The following PPP1CB variants were observed in gnomAD, a reference collection of about 807,000 sequenced individuals.
The protein encoded by PPP1CB is protein phosphatase 1 catalytic subunit beta, also known as serine/threonine-protein phosphatase PP1-beta catalytic subunit.
A neutral mutation model predicts 43.7 loss-of-function variants in PPP1CB; 2 were observed. The observed-to-expected ratio is 0.05, with a 90% confidence interval of 0.02 to 0.14. The LOEUF (loss-of-function observed/expected upper bound fraction) is 0.14. Ranked by LOEUF, PPP1CB falls within the 10% of genes least tolerant of loss-of-function variation. PPP1CB has a pLI of 1.00. For missense variants in PPP1CB, 84 were observed against 398.0 expected, an observed-to-expected ratio of 0.21 and a Z score of 6.71; for synonymous variants, 136 against 135.6, an observed-to-expected ratio of 1.00 and a Z score of -0.02.
chr2:28,764,080 G>A (rs574635780), intron 1 of PPP1CB, among the ~76,000 whole-genome samples: 18 of 152,078 alleles, frequency 1.2e-4, no homozygotes, highest in African/African-American at 3.6e-4. Flanking sequence ...ACTTAAAACC[G>A]TGTGTGTGTT....
intron 6 of PPP1CB, among the ~76,000 whole-genome samples, chr2:28,791,827 C>T (rs1004765128): frequency 6.6e-6 from 1 of 152,128 alleles, no homozygotes; most frequent in South Asian, 2.1e-4. Context: ...CTGAACTACG[C>T]TAGTTTGCAT....
At chr2:28,755,496 T>C (rs1666469008) in intron 1 of PPP1CB, among the ~76,000 whole-genome samples, 2 of 152,230 alleles carry the variant, frequency 1.3e-5, no homozygotes, top group South Asian at 4.1e-4. Context: ...ACCAAAGACT[T>C]CTACTTTATC....
upstream of PPP1CB, chr2:28,751,704 G>T (rs574399169): frequency 1.7e-5 from 4 of 229,832 alleles, no homozygotes; most frequent in South Asian, 9.0e-5. Flanking sequence ...CCCAGGCGTC[G>T]AGGGGAGCCT....
intron 5 of PPP1CB, among the ~76,000 whole-genome samples, chr2:28,785,786 G>C (rs368839634): frequency 6.6e-6 from 1 of 152,080 alleles, no homozygotes; most frequent in Non-Finnish European, 1.5e-5. Flanking sequence ...TCTAGCCTGG[G>C]TGACACAGTG....
chr2:28,784,791 G>A (rs983913349), intron 5 of PPP1CB, among the ~76,000 whole-genome samples: 2 of 150,930 alleles, frequency 1.3e-5, no homozygotes, highest in South Asian at 2.1e-4. Flanking sequence ...ATGGTGGTGC[G>A]TTCCTGTAAT....
chr2:28,788,832 G>A (rs1394632480), intron 6 of PPP1CB, 23 bp downstream of exon 6: 2 of 1,563,608 alleles, frequency 1.3e-6, no homozygotes, highest in Non-Finnish European at 1.7e-6. Flanking sequence ...AAACTCTTAA[G>A]CTTTTTCTTT....
At chr2:28,784,050 A>G in intron 5 of PPP1CB, 72 bp downstream of exon 5, 1 of 1,175,232 alleles carries the variant, frequency 8.5e-7, no homozygotes, top group Non-Finnish European at 1.3e-6. Context: ...CATTTAGTGG[A>G]AGTAGGATTG....
At chr2:28,788,283 G>A (rs531855641) in intron 5 of PPP1CB, among the ~76,000 whole-genome samples, 1 of 152,216 alleles carries the variant, frequency 6.6e-6, no homozygotes, top group South Asian at 2.1e-4. Context: ...CAGAAACAGT[G>A]GAACCGTAAG....
At chr2:28,773,992 T>C (rs1432764930) in intron 1 of PPP1CB, among the ~76,000 whole-genome samples, 1 of 152,216 alleles carries the variant, frequency 6.6e-6, no homozygotes, top group African/African-American at 2.4e-5. Flanking sequence ...AAGGGAGAAA[T>C]GTGCATCCTA....
chr2:28,788,601 T>G (rs2148056805), intron 5 of PPP1CB, 57 bp from the exon 6 acceptor site: 3 of 1,542,090 alleles, frequency 1.9e-6, no homozygotes, highest in Non-Finnish European at 2.7e-6. Flanking sequence ...GTAGATGTGC[T>G]ATATTCTATA....
intron 2 of PPP1CB, 93 bp from the exon 3 acceptor site, chr2:28,778,716 G>A: frequency 1.3e-6 from 1 of 779,658 alleles, no homozygotes; most frequent in South Asian, 1.7e-5. Flanking sequence ...GGGTAGGGGA[G>A]GATTACACAG....
chr2:28,777,042 T>A, intron 2 of PPP1CB, 60 bp downstream of exon 2: 9 of 1,568,894 alleles, frequency 5.7e-6, no homozygotes, highest in Non-Finnish European at 7.9e-6. Context: ...CTCCCATGTT[T>A]AAGATCTAGA....
intron 7 of PPP1CB, among the ~76,000 whole-genome samples, chr2:28,795,044 C>A (rs1416031254): frequency 6.6e-6 from 1 of 152,064 alleles, no homozygotes; most frequent in Non-Finnish European, 1.5e-5. Flanking sequence ...ATCTTTATGT[C>A]CATGTTTACC....
In PPP1CB at chr2:28,774,316, A is replaced by G. The variant is rs146687512; in HGVS notation, c.53-2535A>G. The stretch of plus-strand genomic sequence containing the variant: ...CATTGCTGTTCTCTATAAACAACTA[A>G]TACACAGTAGACTCTCAAACATTTG... On this transcript the variant is annotated intron_variant, in intron 1 of 7. Coordinates refer to ENST00000395366, the MANE Select transcript of PPP1CB (RefSeq NM_002709.3). Among the ~76,000 whole-genome samples the G allele has an allele frequency of 9.6e-3, 1,468 of 152,322 alleles. 10 individuals carry two copies. The highest frequency in any genetic ancestry group is 0.022 in the African/African-American group (915 of 41,562).
At chr2:28,764,197 AC>A (rs1666729067) in intron 1 of PPP1CB, among the ~76,000 whole-genome samples, 2 of 151,986 alleles carry the variant, frequency 1.3e-5, no homozygotes, top group African/African-American at 4.8e-5. Flanking sequence ...GTGGTGGCTC[AC>A]GCCTGTAATC....
At chr2:28,763,316 C>T (rs1666700901) in intron 1 of PPP1CB, among the ~76,000 whole-genome samples, 1 of 152,164 alleles carries the variant, frequency 6.6e-6, no homozygotes, top group South Asian at 2.1e-4. Flanking sequence ...TGTTTCACTG[C>T]ATGTGTGTTG....
intron 3 of PPP1CB, 108 bp from the exon 4 acceptor site, chr2:28,781,630 A>T: frequency 1.3e-6 from 1 of 780,034 alleles, no homozygotes; most frequent in Non-Finnish European, 2.1e-6. Flanking sequence ...TTATAGATAA[A>T]CATGAAGAAA....
chr2:28,753,797 G>A (rs895636732), intron 1 of PPP1CB, among the ~76,000 whole-genome samples: 2 of 151,998 alleles, frequency 1.3e-5, no homozygotes, highest in Admixed American at 6.5e-5. Context: ...GCAATGGCAC[G>A]GTCTCAGCTC....
intron 2 of PPP1CB, among the ~76,000 whole-genome samples, chr2:28,777,812 C>G (rs1164619231): frequency 2.6e-5 from 4 of 152,174 alleles, no homozygotes; most frequent in Non-Finnish European, 5.9e-5. Flanking sequence ...GCCACCACGT[C>G]TAGCTGACTT....
Sources: allele counts gnomAD v4.1 joint callset (sites outside exome capture counted in the v4.1 genomes callset), GRCh38; gene constraint gnomAD v4.1.1; transcripts MANE v1.5; gene names NCBI Gene and HGNC (gene_info 2026-07-23, HGNC 2026-07-21).